Variants in KIAA0825 observed in about 807,000 individuals in gnomAD.
The protein encoded by KIAA0825 is KIAA0825.
KIAA0825 carries 119 observed loss-of-function variants against 147.6 expected under a neutral mutation model. The ratio of observed to expected loss-of-function variants is 0.81; its 90% CI spans 0.69 to 0.94. KIAA0825 has a LOEUF of 0.94. Among genes scored for constraint, KIAA0825 ranks in the 40% least tolerant of loss-of-function variants. The pLI is 0.00. For synonymous variants in KIAA0825, 470 were observed against 518.1 expected (o/e 0.91, Z 1.26); for missense variants, 1,381 against 1,472.7 (o/e 0.94, Z 1.02).
chr5:94,485,888 T>C (rs1762994792), intron 5 of KIAA0825, among the ~76,000 whole-genome samples: 1 of 151,864 alleles, frequency 6.6e-6, no homozygotes, highest in African/African-American at 2.4e-5. Context: ...TAAAAATAAC[T>C]TGTCTAAATA....
Position 94,153,808 on chromosome 5 carries a change from A to G in KIAA0825, c.*199T>C. The G allele has an allele frequency of 4.8e-6, 2 of 417,560 alleles. No individual in the cohort carries two copies. The highest frequency in any genetic ancestry group is 8.5e-6 in the Non-Finnish European group (2 of 235,610). 25.9% of individuals were successfully genotyped at this position (417,560 alleles called of 1,614,324 possible). A position where few individuals can be genotyped will look rare whatever the true frequency, so the allele number is the denominator to read the frequency against. On this transcript the variant is annotated 3_prime_UTR_variant, in exon 21 of 21. Transcript: ENST00000682413. ...AGAGAAAGATTGGGGAAAGAAAAAC[A>G]TTTGAAATTATTTTTAAAATAAAAA...
At chr5:94,308,034 C>T (rs1778859973) in intron 20 of KIAA0825, among the ~76,000 whole-genome samples, 1 of 151,728 alleles carries the variant, frequency 6.6e-6, no homozygotes, top group East Asian at 1.9e-4. Context: ...GAGTCTTTTT[C>T]ACTGCAGATA....
intron 2 of KIAA0825, among the ~76,000 whole-genome samples, chr5:94,553,272 C>T (rs1226780521): frequency 6.6e-6 from 1 of 151,730 alleles, no homozygotes; most frequent in Non-Finnish European, 1.5e-5. Flanking sequence ...AACCCTGTCT[C>T]TACTAAAAAT....
intron 14 of KIAA0825, among the ~76,000 whole-genome samples, chr5:94,436,366 A>G (rs1489479835): frequency 6.6e-6 from 1 of 152,200 alleles, no homozygotes; most frequent in Non-Finnish European, 1.5e-5. Context: ...TCCCAGAACC[A>G]TTTATTAAAT....
chr5:94,331,696 G>T (rs1485581682), intron 20 of KIAA0825, among the ~76,000 whole-genome samples: 1 of 151,914 alleles, frequency 6.6e-6, no homozygotes, highest in South Asian at 2.1e-4. Context: ...CTTATCCCAG[G>T]AATACAAGTA....
chr5:94,215,056 G>A (rs1773077904), intron 20 of KIAA0825, among the ~76,000 whole-genome samples: 1 of 152,096 alleles, frequency 6.6e-6, no homozygotes, highest in Non-Finnish European at 1.5e-5. Flanking sequence ...AAAGACAAGA[G>A]AAGAAAAGTG....
chr5:94,560,334 C>A (rs1034051283), intron 2 of KIAA0825, among the ~76,000 whole-genome samples: 2 of 152,292 alleles, frequency 1.3e-5, no homozygotes, highest in African/African-American at 2.4e-5. Context: ...AGAGGGCCAA[C>A]GAAAACTCAG....
intron 20 of KIAA0825, among the ~76,000 whole-genome samples, chr5:94,292,030 C>G (rs567176537): frequency 5.3e-5 from 8 of 152,260 alleles, no homozygotes; most frequent in African/African-American, 1.7e-4. Flanking sequence ...ATGGGGTGTT[C>G]TAAATATACA....
Position 94,473,511 on chromosome 5 carries a change from T to G in KIAA0825, c.1236A>C (p.Leu412Phe). 1.9e-6 allele frequency: 3 copies of G among 1,548,080 alleles called. No individual in the cohort carries two copies. Among genetic ancestry groups the G allele is most frequent in the Non-Finnish European group, 2.6e-6 (3 of 1,143,762 alleles). Residue 412 changes from leucine (L) to phenylalanine (F), a missense_variant, in exon 8 of 21, where the codon TTA (leucine) becomes TTC (phenylalanine). Coordinates refer to ENST00000682413, the MANE Select transcript of KIAA0825 (RefSeq NM_001145678.3). ...ATGCACTTCTCCAGCCAAAATCTAG[T>G]AAGGTAGCCTGAAATATCAATGTAT... ...EQSLPGKEAT[L>F]LDFGWRSAFK... is the part of the protein sequence containing the mutation.
chr5:94,178,141 T>A (rs879698772), intron 20 of KIAA0825, among the ~76,000 whole-genome samples: 9 of 152,030 alleles, frequency 5.9e-5, no homozygotes, highest in Admixed American at 1.3e-4. Flanking sequence ...GATATTGATA[T>A]TTTTTGGTAT....
At chr5:94,234,182 C>G (rs1199802875) in intron 20 of KIAA0825, among the ~76,000 whole-genome samples, 2 of 151,740 alleles carry the variant, frequency 1.3e-5, no homozygotes, top group Non-Finnish European at 2.9e-5. Context: ...CTGGCTAACA[C>G]AGTGAAACCC....
At chr5:94,561,493 G>T (rs1043846555) in intron 2 of KIAA0825, among the ~76,000 whole-genome samples, 4 of 152,168 alleles carry the variant, frequency 2.6e-5, no homozygotes, top group Admixed American at 1.3e-4. Flanking sequence ...GTGAAGTGAG[G>T]GCAGTCTTAT....
intron 20 of KIAA0825, among the ~76,000 whole-genome samples, chr5:94,248,544 G>A (rs1775757100): frequency 6.6e-6 from 1 of 152,046 alleles, no homozygotes; most frequent in Non-Finnish European, 1.5e-5. Context: ...CTCGGCCTTG[G>A]GTCACTCACA....
At chr5:94,351,332 A>AAC (rs1562405094) in intron 20 of KIAA0825, among the ~76,000 whole-genome samples, 3 of 152,032 alleles carry the variant, frequency 2.0e-5, no homozygotes, top group Admixed American at 2.0e-4. Flanking sequence ...ATAGCTGAAA[A>AAC]AACAACAACA....
chr5:94,358,389 G>A (rs1744612020), intron 20 of KIAA0825, among the ~76,000 whole-genome samples: 1 of 152,188 alleles, frequency 6.6e-6, no homozygotes, highest in African/African-American at 2.4e-5. Flanking sequence ...GCAAAGTGGT[G>A]GGAAGTTAAG....
intron 20 of KIAA0825, among the ~76,000 whole-genome samples, chr5:94,336,724 G>A (rs965233518): frequency 2.6e-5 from 4 of 152,190 alleles, no homozygotes; most frequent in African/African-American, 9.6e-5. Flanking sequence ...GTAAGCATAC[G>A]TGTTCATGTG....
intron 20 of KIAA0825, among the ~76,000 whole-genome samples, chr5:94,189,311 T>C (rs1770450503): frequency 6.6e-6 from 1 of 152,172 alleles, no homozygotes; most frequent in South Asian, 2.1e-4. Flanking sequence ...ACAGTTTTTG[T>C]CTTTTGTGTC....
At chr5:94,347,244 A>T (rs1340288688) in intron 20 of KIAA0825, among the ~76,000 whole-genome samples, 12 of 152,176 alleles carry the variant, frequency 7.9e-5, no homozygotes, top group African/African-American at 1.9e-4. Flanking sequence ...AGAAAAGGGC[A>T]TATAATCGGG....
intron 20 of KIAA0825, among the ~76,000 whole-genome samples, chr5:94,220,196 C>T (rs1244739530): frequency 3.3e-5 from 5 of 152,022 alleles, no homozygotes; most frequent in African/African-American, 9.6e-5. Context: ...TATCTGAAGC[C>T]AACACAGGGT....
Sources: allele counts gnomAD v4.1 joint callset (sites outside exome capture counted in the v4.1 genomes callset), GRCh38; gene constraint gnomAD v4.1.1; transcripts MANE v1.5; gene names NCBI Gene and HGNC (gene_info 2026-07-23, HGNC 2026-07-21).